VPS13B: variants seen among roughly 807,000 people sequenced by gnomAD.
The protein encoded by VPS13B is vacuolar protein sorting 13 homolog B.
A neutral mutation model predicts 426.4 loss-of-function variants in VPS13B; 285 were observed. The observed-to-expected ratio is 0.67, with a 90% CI of 0.61 to 0.74. The LOEUF is 0.74. Ranked by LOEUF, VPS13B falls within the 30% of genes least tolerant of loss-of-function variation. VPS13B has a pLI of 0.00. For synonymous variants in VPS13B, 1,676 were observed against 1,676.4 expected, an observed-to-expected ratio of 1.00 and a Z score of 0.01; for missense variants, 4,537 against 4,782.6, an observed-to-expected ratio of 0.95 and a Z score of 1.51.
intron 34 of VPS13B, among the ~76,000 whole-genome samples, chr8:99,646,436 G>A (rs1829579662): frequency 6.6e-6 from 1 of 152,058 alleles, no homozygotes. Flanking sequence ...GAGGTGGGAG[G>A]ATCACCTGAG....
intron 42 of VPS13B, 139 bp downstream of exon 42, chr8:99,779,170 T>G: frequency 1.1e-6 from 1 of 876,540 alleles, no homozygotes; most frequent in Non-Finnish European, 1.8e-6. Flanking sequence ...CCATTATACT[T>G]GAGGCCTTCT....
At chr8:99,134,902 A>T (rs1809994024) in intron 9 of VPS13B, 113 bp from the exon 10 acceptor site, 4 of 1,348,062 alleles carry the variant, frequency 3.0e-6, no homozygotes, top group South Asian at 2.6e-5. Context: ...GAATAAATTT[A>T]AAAATGACAT....
chr8:99,762,974 T>TA (rs1163312118), intron 39 of VPS13B, among the ~76,000 whole-genome samples: 1 of 150,496 alleles, frequency 6.6e-6, no homozygotes, highest in Admixed American at 6.6e-5. Context: ...CGTGTCTCTA[T>TA]AAAAAATACA....
chr8:99,568,819 T>G (rs1002046367), intron 31 of VPS13B, among the ~76,000 whole-genome samples: 6 of 149,366 alleles, frequency 4.0e-5, no homozygotes, highest in Non-Finnish European at 7.4e-5. Context: ...GTTTTTTTGT[T>G]TTTTTTTTTT....
chr8:99,766,066 CTTTTTTTTT>C (rs71274933), intron 39 of VPS13B, among the ~76,000 whole-genome samples: 20 of 52,314 alleles, frequency 3.8e-4, no homozygotes, highest in Non-Finnish European at 4.9e-4. Context: ...ACCTTCATTA[CTTTTTTTTT>C]TTTTTTTTTT....
Position 99,096,164 on chromosome 8 carries a change from T to G in VPS13B, c.292-148T>G, listed in dbSNP as rs1442786587. 79 of 792,184 alleles carry G rather than the reference T, an allele frequency of 1.0e-4. No individual in the cohort carries two copies. In the Admixed American group the frequency reaches 2.4e-3, roughly 24 times the overall value. 49.1% of individuals were successfully genotyped at this position (792,184 alleles called of 1,614,324 possible). A position where few individuals can be genotyped will look rare whatever the true frequency, so the allele number is the denominator to read the frequency against. ...GTTTGAGAATGCAAATTATGAAAAT[T>G]GGTTATGTAGTTTTTAGAGCTAAAA... On this transcript the variant is annotated intron_variant, in intron 3 of 61. Transcript: ENST00000357162.
intron 35 of VPS13B, among the ~76,000 whole-genome samples, chr8:99,663,587 G>T (rs551189380): frequency 6.6e-6 from 1 of 152,232 alleles, no homozygotes; most frequent in South Asian, 2.1e-4. Context: ...AAAAACATAT[G>T]CTCTTTACAC....
At chr8:99,060,619 A>AC (rs930491551) in intron 3 of VPS13B, among the ~76,000 whole-genome samples, 11 of 151,758 alleles carry the variant, frequency 7.2e-5, no homozygotes, top group Admixed American at 1.3e-4. Flanking sequence ...AAAAACAAAA[A>AC]AAAAAATTGA....
chr8:99,867,882 A>G (rs1486416677), intron 58 of VPS13B, among the ~76,000 whole-genome samples: 1 of 152,220 alleles, frequency 6.6e-6, no homozygotes, highest in Admixed American at 6.5e-5. Flanking sequence ...AACCCCTTCC[A>G]GTTTTTCATC....
intron 58 of VPS13B, among the ~76,000 whole-genome samples, chr8:99,865,825 A>G (rs530601822): frequency 1.3e-3 from 198 of 152,258 alleles, no homozygotes; most frequent in African/African-American, 4.1e-3. Context: ...ACAAAATTAC[A>G]CCACATGGTA....
At chr8:99,077,715 T>C (rs1181347475) in intron 3 of VPS13B, among the ~76,000 whole-genome samples, 1 of 152,142 alleles carries the variant, frequency 6.6e-6, no homozygotes, top group African/African-American at 2.4e-5. Context: ...GGAGGACTTT[T>C]TCTGGTAGAA....
intron 19 of VPS13B, among the ~76,000 whole-genome samples, chr8:99,300,920 C>T (rs1228778741): frequency 7.0e-6 from 1 of 142,172 alleles, no homozygotes; most frequent in Non-Finnish European, 1.5e-5. Flanking sequence ...GTTCTGCACA[C>T]ATAATAAAAA....
intron 34 of VPS13B, among the ~76,000 whole-genome samples, chr8:99,648,850 C>G (rs533950207): frequency 3.3e-5 from 5 of 152,234 alleles, no homozygotes; most frequent in Non-Finnish European, 5.9e-5. Flanking sequence ...CCAGGTTTCC[C>G]TCTGGTAGAT....
chr8:99,478,431 G>T (rs1339233495), intron 24 of VPS13B, among the ~76,000 whole-genome samples: 1 of 116,194 alleles, frequency 8.6e-6, no homozygotes, highest in Non-Finnish European at 1.9e-5. Context: ...TTTTGAGACA[G>T]TTGTTTTTTT....
intron 19 of VPS13B, among the ~76,000 whole-genome samples, chr8:99,294,733 T>C (rs912940718): frequency 2.0e-5 from 3 of 152,144 alleles, no homozygotes; most frequent in African/African-American, 7.2e-5. Flanking sequence ...TTTCTTAATC[T>C]GTTAAATGGT....
chr8:99,496,753 C>T (rs1297650652), intron 25 of VPS13B, among the ~76,000 whole-genome samples: 2 of 152,012 alleles, frequency 1.3e-5, no homozygotes, highest in East Asian at 3.8e-4. Context: ...CCTTCCCTTA[C>T]AGGATACTTT....
intron 39 of VPS13B, among the ~76,000 whole-genome samples, chr8:99,746,559 T>C (rs1810097485): frequency 6.6e-6 from 1 of 152,192 alleles, no homozygotes; most frequent in Non-Finnish European, 1.5e-5. Flanking sequence ...TTCTGTGCTT[T>C]GCTCTTCCCA....
At chr8:99,251,599 C>T (rs190973361) in intron 17 of VPS13B, among the ~76,000 whole-genome samples, 8 of 152,082 alleles carry the variant, frequency 5.3e-5, no homozygotes, top group Admixed American at 3.3e-4. Flanking sequence ...TTGATAAGTT[C>T]GTATTTATAT....
At chr8:99,076,665 G>T (rs1845142284) in intron 3 of VPS13B, among the ~76,000 whole-genome samples, 1 of 147,166 alleles carries the variant, frequency 6.8e-6, no homozygotes. Flanking sequence ...TCTCATCTAG[G>T]TGTAGCTACT....
Sources: allele counts gnomAD v4.1 joint callset (sites outside exome capture counted in the v4.1 genomes callset), GRCh38; gene constraint gnomAD v4.1.1; transcripts MANE v1.5; gene names NCBI Gene and HGNC (gene_info 2026-07-23, HGNC 2026-07-21).